The following LRP12 variants were observed in gnomAD, a reference collection of about 807,000 sequenced individuals.
LRP12 encodes the protein LDL receptor related protein 12.
In LRP12, 14 loss-of-function variants were observed where a neutral mutation model predicts 66.0. That is an observed-to-expected ratio of 0.21 (90% CI 0.14 to 0.33). The LOEUF (loss-of-function observed/expected upper bound fraction) is 0.33, where lower values mean the gene tolerates loss of function less well. Among genes scored for constraint, LRP12 ranks in the 10% least tolerant of loss-of-function variants. The pLI is 1.00. For missense variants in LRP12, 889 were observed against 1,053.4 expected (o/e 0.84, Z 2.16); for synonymous variants, 357 against 359.1 (o/e 0.99, Z 0.07).
intron 1 of LRP12, among the ~76,000 whole-genome samples, chr8:104,546,299 A>G (rs954563464): frequency 4.6e-5 from 7 of 152,126 alleles, no homozygotes; most frequent in African/African-American, 9.7e-5. Flanking sequence ...CAAGGGTTTG[A>G]TAAGTGCGAA....
chr8:104,565,919 G>A (rs1240655722), intron 1 of LRP12, among the ~76,000 whole-genome samples: 2 of 137,024 alleles, frequency 1.5e-5, no homozygotes, highest in Non-Finnish European at 3.1e-5. Flanking sequence ...TGTGGGGGAA[G>A]AATGGAAAGA....
chr8:104,494,576 T>C (rs754933935), intron 6 of LRP12, among the ~76,000 whole-genome samples: 10 of 152,240 alleles, frequency 6.6e-5, no homozygotes, highest in African/African-American at 1.4e-4. Context: ...TGCTAAGAAA[T>C]TGAAAGAATT....
At chr8:104,585,296 G>C (rs1168573269) in intron 1 of LRP12, among the ~76,000 whole-genome samples, 1 of 152,114 alleles carries the variant, frequency 6.6e-6, no homozygotes, top group Non-Finnish European at 1.5e-5. Flanking sequence ...TGCAATCTTG[G>C]CTCACTGTAA....
At chr8:104,588,142 A>G (rs2140905334) in intron 1 of LRP12, among the ~76,000 whole-genome samples, 1 of 152,260 alleles carries the variant, frequency 6.6e-6, no homozygotes, top group South Asian at 2.1e-4. Flanking sequence ...ATGAAATTAC[A>G]ATTGAACTAG....
At chr8:104,541,752 C>T (rs1811481212) in intron 1 of LRP12, among the ~76,000 whole-genome samples, 1 of 152,164 alleles carries the variant, frequency 6.6e-6, no homozygotes, top group South Asian at 2.1e-4. Context: ...TAAATGGAAT[C>T]ATACAATATG....
chr8:104,537,853 A>G (rs1450659236), intron 1 of LRP12, among the ~76,000 whole-genome samples: 4 of 152,308 alleles, frequency 2.6e-5, no homozygotes, highest in Non-Finnish European at 4.4e-5. Flanking sequence ...TCTGTTCTAT[A>G]AAGTTCTAGA....
chr8:104,531,154 C>T (rs889816244), intron 2 of LRP12, among the ~76,000 whole-genome samples: 1 of 152,042 alleles, frequency 6.6e-6, no homozygotes, highest in Non-Finnish European at 1.5e-5. Flanking sequence ...GATAAATACA[C>T]TAAGTACAGT....
chr8:104,567,613 T>A (rs12114911), intron 1 of LRP12, among the ~76,000 whole-genome samples: 1,841 of 152,270 alleles, frequency 0.012, 140 homozygotes, highest in Admixed American at 0.11. Flanking sequence ...AAACAAAAAC[T>A]TATTAGAGCT....
At chr8:104,532,024 T>C (rs1352373996) in intron 1 of LRP12, 61 bp from the exon 2 acceptor site, 33 of 1,049,846 alleles carry the variant, frequency 3.1e-5, no homozygotes, top group Non-Finnish European at 3.7e-5. Flanking sequence ...TTTTTTCAGA[T>C]CCTCCCTTTA....
At chr8:104,582,533 T>C (rs946013989) in intron 1 of LRP12, among the ~76,000 whole-genome samples, 1 of 152,206 alleles carries the variant, frequency 6.6e-6, no homozygotes, top group African/African-American at 2.4e-5. Context: ...CAAAAAGGTA[T>C]TGGAAATCCA....
In LRP12 at chr8:104,495,069, C is replaced by A; in HGVS notation, c.1713+8G>T. 1 of 1,612,216 alleles carries A rather than the reference C, an allele frequency of 6.2e-7. No homozygotes were observed. Among genetic ancestry groups the A allele is most frequent in the African/African-American group, 1.3e-5 (1 of 74,964 alleles). ...GAAATGTAATAGAAATTACACATTG[C>A]AATATACCTGATTAGGTGAACAAAC... On this transcript the variant is annotated splice_region_variant and intron_variant, in intron 6 of 6. Coordinates refer to ENST00000276654, the MANE Select transcript of LRP12 (RefSeq NM_013437.5).
chr8:104,490,722 A>C lies in LRP12; in HGVS notation c.2531T>G (p.Val844Gly). 1 of 1,613,784 alleles carries C rather than the reference A, an allele frequency of 6.2e-7. No individual in the cohort carries two copies. Among genetic ancestry groups the C allele is most frequent in the Non-Finnish European group, 8.5e-7 (1 of 1,179,920 alleles). ...ATCACTCGTTTCGTTTTTCAGTGTT[A>C]CTTCTAAGCAAGTGTCTGGTATCTG... ...TAQIPDTCLE[V>G]TLKNETSDDE... The change falls in exon 7 of 7, where the codon GTA (valine) becomes GGA (glycine). Residue 844 changes from valine (V) to glycine (G), a missense_variant. Physicochemically the swap from Val to Gly is moderately radical, Grantham distance 109. Around this residue, in one of 3 missense-constraint regions of LRP12, gnomAD observed 800 missense variants for 964.5 expected, o/e 0.83. Transcript: ENST00000276654.
At chr8:104,524,382 T>C (rs1811198241) in intron 2 of LRP12, among the ~76,000 whole-genome samples, 2 of 152,124 alleles carry the variant, frequency 1.3e-5, no homozygotes, top group African/African-American at 2.4e-5. Flanking sequence ...TCAACAATTA[T>C]ATATGGCTTT....
At chr8:104,557,529 T>TAA (rs530034124) in intron 1 of LRP12, among the ~76,000 whole-genome samples, 2 of 134,340 alleles carry the variant, frequency 1.5e-5, no homozygotes, top group Non-Finnish European at 3.3e-5. Context: ...TTGCAATAGC[T>TAA]AAAAAAAAAA....
chr8:104,509,739 G>A (rs982905660), intron 2 of LRP12, among the ~76,000 whole-genome samples: 3 of 152,102 alleles, frequency 2.0e-5, no homozygotes, highest in African/African-American at 7.2e-5. Context: ...TGAGCTCTAA[G>A]GTAAGAATGA....
chr8:104,505,536 A>G (rs1588485420), intron 3 of LRP12: 1 of 148,300 alleles, frequency 6.7e-6, no homozygotes, highest in Non-Finnish European at 1.5e-5. Flanking sequence ...CTGAGTAGCT[A>G]GGATTATAGG....
rs374337727 is a variant in LRP12 at position 104,557,527 on chromosome 8, G to C, written c.80-25564C>G. Among the ~76,000 whole-genome samples the C allele has an allele frequency of 5.0e-4, 74 of 147,688 alleles. No homozygotes were observed. In the Middle Eastern group the frequency reaches 0.014, roughly 28 times the overall value. ...TAAATCAAGGACCCAATTTGCAATA[G>C]CTAAAAAAAAAAAAAATTAGGAATA... On this transcript the variant is annotated intron_variant, in intron 1 of 6. Coordinates refer to ENST00000276654, the MANE Select transcript of LRP12 (RefSeq NM_013437.5).
intron 3 of LRP12, chr8:104,508,081 G>A (rs1422373921): frequency 6.6e-6 from 1 of 152,092 alleles, no homozygotes; most frequent in Non-Finnish European, 1.5e-5. Flanking sequence ...CATGTTGAAG[G>A]TGCCTTTGTG....
rs1351946319 is a variant in LRP12 at position 104,491,559 on chromosome 8, T to G, written c.1714-20A>C. 6.5e-7 allele frequency: 1 copy of G among 1,543,210 alleles called. No homozygotes were observed. The highest frequency in any genetic ancestry group is 8.7e-7 in the Non-Finnish European group (1 of 1,149,132). Reference sequence around the variant, plus strand: ...AGAAGCCTACAAAAATAAGAAAAGATCTTAAGATAGTTAACAACAAGGTAC... The same window carrying G: ...AGAAGCCTACAAAAATAAGAAAAGAGCTTAAGATAGTTAACAACAAGGTAC... On this transcript the variant is annotated intron_variant, in intron 6 of 6. Coordinates refer to ENST00000276654, the MANE Select transcript of LRP12 (RefSeq NM_013437.5).
Sources: allele counts gnomAD v4.1 joint callset (sites outside exome capture counted in the v4.1 genomes callset), GRCh38; gene constraint gnomAD v4.1.1; regional missense constraint gnomAD v4.1.1; transcripts MANE v1.5; gene names NCBI Gene and HGNC (gene_info 2026-07-23, HGNC 2026-07-21).